TLCD4: variants seen among roughly 807,000 people sequenced by gnomAD.
The protein encoded by TLCD4 is TLC domain containing 4, also known as TLC domain-containing protein 4.
A neutral mutation model predicts 24.2 loss-of-function variants in TLCD4; 7 were observed. That is an observed-to-expected ratio of 0.29 (90% CI 0.16 to 0.54). The LOEUF (loss-of-function observed/expected upper bound fraction) is 0.54, where lower values mean the gene tolerates loss of function less well. TLCD4 is among the 20% of genes least tolerant of loss of function. The pLI is 0.95. For missense variants in TLCD4, 259 were observed against 313.9 expected, an observed-to-expected ratio of 0.82 and a Z score of 1.32; for synonymous variants, 103 against 106.4, an observed-to-expected ratio of 0.97 and a Z score of 0.20.
At chr1:95,112,645 A>G (rs1032394776), upstream of TLCD4, among the ~76,000 whole-genome samples, 1 of 152,194 alleles carries the variant, frequency 6.6e-6, no homozygotes, top group African/African-American at 2.4e-5. Context: ...CAATCCATCT[A>G]AATTATCAGT....
the TLCD4 span, among the ~76,000 whole-genome samples, chr1:95,100,235 T>C: frequency 6.6e-6 from 1 of 152,052 alleles, no homozygotes; most frequent in African/African-American, 2.4e-5. Flanking sequence ...CTCAAAGTCA[T>C]ATAGCTATGA....
At chr1:95,129,480 G>A (rs553938099) in intron 1 of TLCD4, among the ~76,000 whole-genome samples, 34 of 152,044 alleles carry the variant, frequency 2.2e-4, no homozygotes, top group Non-Finnish European at 4.1e-4. Flanking sequence ...GGTAGCTCAC[G>A]CCTGTAATTC....
rs1333187860 is a variant in TLCD4, at chr1:95,193,195, A to G, written c.*1327A>G. 1 of 152,112 alleles carries G rather than the reference A, an allele frequency of 6.6e-6. No individual in the cohort carries two copies. Among genetic ancestry groups the G allele is most frequent in the Non-Finnish European group, 1.5e-5 (1 of 67,984 alleles). The allele number at this position is 152,112 out of a possible 1,614,324, so 9.4% of individuals were successfully genotyped here. On this transcript the variant is annotated 3_prime_UTR_variant, in exon 7 of 7. Transcript: ENST00000370203. ...TCACAATTCATACCCGTGCTTACTT[A>G]GTTGGCATTTTAGTGCTTTGAATTT...
At chr1:95,139,370 T>C (rs540962501) in intron 1 of TLCD4, among the ~76,000 whole-genome samples, 11 of 151,724 alleles carry the variant, frequency 7.3e-5, no homozygotes, top group Non-Finnish European at 1.3e-4. Flanking sequence ...CAACACTAAA[T>C]TGATTTTAAA....
chr1:95,168,649 T>G (rs1247561708), intron 5 of TLCD4, among the ~76,000 whole-genome samples: 1 of 147,886 alleles, frequency 6.8e-6, no homozygotes, highest in African/African-American at 2.5e-5. Flanking sequence ...TCTGCTGGCA[T>G]TATAGGCATG....
At chr1:95,140,225 A>G (rs900520830) in intron 1 of TLCD4, among the ~76,000 whole-genome samples, 7 of 152,238 alleles carry the variant, frequency 4.6e-5, no homozygotes, top group Non-Finnish European at 7.3e-5. Context: ...TGTACTGCAC[A>G]TAATTGTATG....
chr1:95,173,704 T>G, intron 5 of TLCD4, 112 bp from the exon 6 acceptor site: 1 of 1,377,060 alleles, frequency 7.3e-7, no homozygotes, highest in East Asian at 2.3e-5. Context: ...TCTTGATCTG[T>G]TTTGGTATTG....
chr1:95,099,654 A>G, the TLCD4 span, among the ~76,000 whole-genome samples: 1 of 152,150 alleles, frequency 6.6e-6, no homozygotes. Flanking sequence ...AACAAGAATG[A>G]TCCTCAAGGA....
chr1:95,154,952 A>G (rs1284903934), intron 5 of TLCD4, among the ~76,000 whole-genome samples: 1 of 151,138 alleles, frequency 6.6e-6, no homozygotes, highest in African/African-American at 2.4e-5. Context: ...ACGTTTTTAC[A>G]CAGGATTCCA....
chr1:95,139,121 G>C (rs1207338456), intron 1 of TLCD4, among the ~76,000 whole-genome samples: 1 of 145,316 alleles, frequency 6.9e-6, no homozygotes, highest in East Asian at 2.0e-4. Flanking sequence ...GTTATAGTGA[G>C]CTATGATTGT....
upstream of TLCD4, among the ~76,000 whole-genome samples, chr1:95,115,709 T>G (rs1287169449): frequency 6.6e-6 from 1 of 152,210 alleles, no homozygotes. Flanking sequence ...TACCTGGCTT[T>G]GGTTACTGCT....
intron 1 of TLCD4, chr1:95,140,529 A>G (rs867673196): frequency 6.6e-6 from 1 of 152,224 alleles, no homozygotes; most frequent in East Asian, 1.9e-4. Context: ...AAAAGTATAA[A>G]CATTATTTCA....
At chr1:95,101,465 G>A in the TLCD4 span, among the ~76,000 whole-genome samples, 10 of 150,478 alleles carry the variant, frequency 6.6e-5, 1 homozygote, top group Admixed American at 6.7e-4. Flanking sequence ...TAGAGATGGA[G>A]TCTTGCTATG....
the TLCD4 span, among the ~76,000 whole-genome samples, chr1:95,112,250 A>G: frequency 1.3e-5 from 2 of 152,276 alleles, no homozygotes; most frequent in Non-Finnish European, 2.9e-5. Context: ...GAGAACCTCT[A>G]TCTCAGACAA....
rs1005606990 is a variant in TLCD4, at chr1:95,194,650, A to G, written c.*2782A>G. 2 of 152,236 alleles carry G rather than the reference A, an allele frequency of 1.3e-5. No individual in the cohort carries two copies. Among genetic ancestry groups the G allele is most frequent in the East Asian group, 3.9e-4 (2 of 5,180 alleles). 9.4% of individuals were successfully genotyped at this position (152,236 alleles called of 1,614,324 possible). On this transcript the variant is annotated 3_prime_UTR_variant, in exon 7 of 7. Transcript: ENST00000370203. ...AAAAAGATAACCTGTAATTATAAAG[A>G]TGTTTTTTGAATGTGTAGTATCCTA... is the stretch of plus-strand genomic sequence containing the variant.
intron 4 of TLCD4, among the ~76,000 whole-genome samples, chr1:95,150,737 A>G (rs1677471933): frequency 6.6e-6 from 1 of 151,670 alleles, no homozygotes; most frequent in Non-Finnish European, 1.5e-5. Flanking sequence ...TTGAATTAGT[A>G]TTTAATTGCA....
Position 95,194,930 on chromosome 1 carries a change from G to C in TLCD4, c.*3062G>C, listed in dbSNP as rs1679144540. On this transcript the variant is annotated 3_prime_UTR_variant, in exon 7 of 7. Coordinates refer to ENST00000370203, the MANE Select transcript of TLCD4 (RefSeq NM_152487.3). Reference sequence around the variant, plus strand: ...ATGTGTTGATACCCTACAGTAAATTGAATTAAATTTTTATCCCAACTGTTT... The same window carrying C: ...ATGTGTTGATACCCTACAGTAAATTCAATTAAATTTTTATCCCAACTGTTT... 6.6e-6 allele frequency: 1 copy of C among 152,102 alleles called. No homozygotes were observed. The highest frequency in any genetic ancestry group is 2.4e-5 in the African/African-American group (1 of 41,418). The allele number at this position is 152,102 out of a possible 1,614,324, so 9.4% of individuals were successfully genotyped here.
rs71097248 is a variant in TLCD4 at position 95,139,174 on chromosome 1, C to CAA, written c.-11-4695_-11-4694dup. Reference sequence around the variant, plus strand: ...TGGATGACAGAGTGAGAACCTGTGTCAAAAAAAAAAAAAAAAAAAAAAAGA... The same window carrying CAA: ...TGGATGACAGAGTGAGAACCTGTGTCAAAAAAAAAAAAAAAAAAAAAAAAAGA... On this transcript the variant is annotated intron_variant, in intron 1 of 6. Transcript: ENST00000370203. 9.3e-3 allele frequency among the ~76,000 whole-genome samples: 714 copies of CAA among 76,644 alleles called. 6 individuals are homozygous for CAA. The highest frequency in any genetic ancestry group is 0.017 in the Admixed American group (104 of 6,142). 50.3% of individuals were successfully genotyped at this position (76,644 alleles called of 152,430 possible). A position where few individuals can be genotyped will look rare whatever the true frequency, so the allele number is the denominator to read the frequency against.
chr1:95,125,357 ACTGT>A (rs1376706231), intron 1 of TLCD4, among the ~76,000 whole-genome samples: 3 of 152,160 alleles, frequency 2.0e-5, no homozygotes, highest in Non-Finnish European at 2.9e-5. Flanking sequence ...AGATTTTTTG[ACTGT>A]CTGGCAGTAT....
Sources: gnomAD v4.1 joint callset for allele counts (sites outside exome capture counted in the v4.1 genomes callset) on GRCh38, gnomAD v4.1.1 for gene constraint, MANE v1.5 for transcripts, NCBI Gene and HGNC (gene_info 2026-07-23, HGNC 2026-07-21) for gene names.